BABAM2: variants seen among roughly 807,000 people sequenced by gnomAD.
The protein encoded by BABAM2 is BRISC and BRCA1 A complex member 2.
BABAM2 carries 31 observed loss-of-function variants against 54.7 expected under a neutral mutation model. That is an observed-to-expected ratio of 0.57 (90% CI 0.43 to 0.77). The LOEUF (loss-of-function observed/expected upper bound fraction) is 0.77. Among genes scored for constraint, BABAM2 ranks in the 30% least tolerant of loss-of-function variants. The pLI, the probability that BABAM2 is intolerant of heterozygous loss-of-function variation, is 0.00. For missense variants in BABAM2, 364 were observed against 455.8 expected (o/e 0.80, Z 1.83); for synonymous variants, 167 against 162.9 (o/e 1.03, Z -0.19).
chr2:28,216,297 A>G (rs913660641), intron 7 of BABAM2, among the ~76,000 whole-genome samples: 1 of 152,128 alleles, frequency 6.6e-6, no homozygotes, highest in Non-Finnish European at 1.5e-5. Flanking sequence ...CTCCTTTACA[A>G]TATTATTTCT....
chr2:28,289,009 G>A (rs1357688364), intron 10 of BABAM2, among the ~76,000 whole-genome samples: 5 of 146,396 alleles, frequency 3.4e-5, no homozygotes, highest in Admixed American at 3.4e-4. Context: ...GACCCTCTTA[G>A]TTTTTTTAAC....
intron 11 of BABAM2, among the ~76,000 whole-genome samples, chr2:28,299,545 G>A (rs1021001443): frequency 1.3e-5 from 2 of 152,148 alleles, no homozygotes; most frequent in African/African-American, 4.8e-5. Flanking sequence ...CACAAATATA[G>A]ACTATCTATT....
At chr2:28,199,307 G>A (rs1677991905) in intron 7 of BABAM2, among the ~76,000 whole-genome samples, 1 of 152,208 alleles carries the variant, frequency 6.6e-6, no homozygotes. Context: ...CATGTTTTAT[G>A]TGCATATTCT....
At chr2:27,913,038 T>A (rs1035671023) in intron 2 of BABAM2, among the ~76,000 whole-genome samples, 10 of 152,140 alleles carry the variant, frequency 6.6e-5, no homozygotes, top group African/African-American at 2.4e-4. Flanking sequence ...CTTCAGCATC[T>A]AAAGATTCTT....
rs796117298 is a variant in BABAM2, at chr2:28,025,079, C to A, written c.301-147C>A. On this transcript the variant is annotated intron_variant, in intron 4 of 11. Transcript: ENST00000379624. The stretch of plus-strand genomic sequence containing the variant: ...CAATATCAAAAGATTTCTCTAACTT[C>A]ATCTCTGGGTATATGGCTAAGGAGG... 6.4e-6 allele frequency: 4 copies of A among 623,440 alleles called. No individual in the cohort carries two copies. The South Asian group carries it at 2.2e-4, about 35-fold the overall frequency. The allele number at this position is 623,440 out of a possible 1,614,324, so 38.6% of individuals were successfully genotyped here.
At chr2:28,015,420 C>T (rs1674727883) in intron 4 of BABAM2, among the ~76,000 whole-genome samples, 1 of 151,952 alleles carries the variant, frequency 6.6e-6, no homozygotes, top group South Asian at 2.1e-4. Context: ...AAGATGTATC[C>T]AGATTCAATT....
intron 6 of BABAM2, among the ~76,000 whole-genome samples, chr2:28,120,806 A>G (rs1007030623): frequency 1.3e-5 from 2 of 152,346 alleles, no homozygotes; most frequent in African/African-American, 4.8e-5. Context: ...CATAGATCAC[A>G]TTGTAATTGA....
Position 28,017,592 on chromosome 2 carries a change from C to G in BABAM2, c.301-7634C>G, listed in dbSNP as rs114780982. ...AGTTGTTTCAGTATATCCACAGAGT[C>G]GTGCAGTCATCAATTACCATAGTGA... On this transcript the variant is annotated intron_variant, in intron 4 of 11. Transcript: ENST00000379624. Among the ~76,000 whole-genome samples the G allele has an allele frequency of 5.1e-3, 774 of 152,278 alleles. 5 individuals carry two copies. Among genetic ancestry groups the G allele is most frequent in the African/African-American group, 0.018 (747 of 41,542 alleles).
chr2:28,240,243 C>T (rs939075242), intron 8 of BABAM2, among the ~76,000 whole-genome samples: 2 of 151,830 alleles, frequency 1.3e-5, no homozygotes, highest in Non-Finnish European at 2.9e-5. Context: ...GCCTCAGGCT[C>T]CCGAGTAGCT....
At chr2:27,895,924 ATAT>A (rs1350257881) in intron 2 of BABAM2, among the ~76,000 whole-genome samples, 3 of 152,156 alleles carry the variant, frequency 2.0e-5, no homozygotes, top group African/African-American at 7.2e-5. Flanking sequence ...TATAAATTAA[ATAT>A]TATTATCATT....
chr2:28,167,122 T>C (rs1043416371), intron 7 of BABAM2, among the ~76,000 whole-genome samples: 4 of 152,206 alleles, frequency 2.6e-5, no homozygotes, highest in Admixed American at 6.5e-5. Context: ...TTTCTGCAGC[T>C]AATAGAATCT....
At chr2:28,074,326 C>G (rs1369241729) in intron 6 of BABAM2, among the ~76,000 whole-genome samples, 1 of 152,104 alleles carries the variant, frequency 6.6e-6, no homozygotes, top group Non-Finnish European at 1.5e-5. Flanking sequence ...AGCAGCATTC[C>G]TGGCATCTGC....
intron 4 of BABAM2, among the ~76,000 whole-genome samples, chr2:28,002,531 A>G (rs1298992101): frequency 2.0e-5 from 3 of 152,176 alleles, no homozygotes; most frequent in Admixed American, 6.5e-5. Context: ...TATTCAGTAT[A>G]TAAATATTAA....
chr2:28,231,090 T>C (rs1251726322), intron 7 of BABAM2, among the ~76,000 whole-genome samples: 1 of 152,226 alleles, frequency 6.6e-6, no homozygotes, highest in East Asian at 1.9e-4. Context: ...CTGGGTTATC[T>C]TGGATAAGAT....
At chr2:28,075,995 G>A (rs757078300) in intron 6 of BABAM2, among the ~76,000 whole-genome samples, 4 of 151,920 alleles carry the variant, frequency 2.6e-5, no homozygotes, top group South Asian at 2.1e-4. Flanking sequence ...CAGGTGTGGC[G>A]GCTCATGCCT....
At chr2:28,215,087 G>C (rs115799509) in intron 7 of BABAM2, among the ~76,000 whole-genome samples, 1 of 152,002 alleles carries the variant, frequency 6.6e-6, no homozygotes. Context: ...TTACTTCTGC[G>C]TGTGTGTTTG....
chr2:28,098,883 AGT>A (rs1219627988), intron 6 of BABAM2, among the ~76,000 whole-genome samples: 1 of 152,230 alleles, frequency 6.6e-6, no homozygotes, highest in African/African-American at 2.4e-5. Flanking sequence ...ATAATGTGAA[AGT>A]GGAGGTAAAT....
chr2:28,114,322 G>A (rs1256943393), intron 6 of BABAM2, among the ~76,000 whole-genome samples: 1 of 152,166 alleles, frequency 6.6e-6, no homozygotes, highest in African/African-American at 2.4e-5. Flanking sequence ...CTCTAGCAAA[G>A]TCTCAGCATA....
rs533530496 is a variant in BABAM2, at chr2:28,221,102, C to T, written c.681-16100C>T. On this transcript the variant is annotated intron_variant, in intron 7 of 11. Transcript: ENST00000379624. Reference sequence around the variant, plus strand: ...ACCACCGCTGCTTCTCTCTCTCTTTCCCTTTTTTCCTCTCTCTCTCTCTCT... The same window carrying T: ...ACCACCGCTGCTTCTCTCTCTCTTTTCCTTTTTTCCTCTCTCTCTCTCTCT... Among the ~76,000 whole-genome samples the T allele has an allele frequency of 6.7e-3, 995 of 148,972 alleles. 1 individual carries two copies. The highest frequency in any genetic ancestry group is 8.8e-3 in the Non-Finnish European group (592 of 67,196).
Sources: gnomAD v4.1 joint callset for allele counts (sites outside exome capture counted in the v4.1 genomes callset) on GRCh38, gnomAD v4.1.1 for gene constraint, MANE v1.5 for transcripts, NCBI Gene and HGNC (gene_info 2026-07-23, HGNC 2026-07-21) for gene names.